MDGA2: variants seen among roughly 807,000 people sequenced by gnomAD.
MDGA2 encodes the protein MAM domain-containing glycosylphosphatidylinositol anchor protein 2.
Under a neutral mutation model 117.8 loss-of-function variants are expected in MDGA2, and 40 were observed. The ratio of observed to expected loss-of-function variants is 0.34; its 90% confidence interval spans 0.26 to 0.44. The LOEUF is 0.44. Ranked by LOEUF, MDGA2 falls within the 20% of genes least tolerant of loss-of-function variation. The pLI is 1.00. For missense variants in MDGA2, 1,123 were observed against 1,250.6 expected (o/e 0.90, Z 1.54); for synonymous variants, 452 against 439.0 (o/e 1.03, Z -0.37).
At chr14:46,854,599 TG>T (rs1378241761) in intron 15 of MDGA2, among the ~76,000 whole-genome samples, 10 of 151,814 alleles carry the variant, frequency 6.6e-5, no homozygotes, top group Non-Finnish European at 1.2e-4. Context: ...ATTACTGATA[TG>T]GCATTAAATC....
chr14:47,670,194 T>G (rs1238132419), intron 1 of MDGA2, among the ~76,000 whole-genome samples: 1 of 152,192 alleles, frequency 6.6e-6, no homozygotes. Context: ...CTCTATTTAT[T>G]ACTTCTAATG....
At chr14:46,934,242 T>C (rs1884697339) in intron 9 of MDGA2, among the ~76,000 whole-genome samples, 1 of 152,090 alleles carries the variant, frequency 6.6e-6, no homozygotes, top group African/African-American at 2.4e-5. Flanking sequence ...TAGCAAGTAT[T>C]TAAGACACAT....
chr14:46,972,906 A>T (rs2138340133), intron 8 of MDGA2, among the ~76,000 whole-genome samples: 1 of 152,260 alleles, frequency 6.6e-6, no homozygotes, highest in African/African-American at 2.4e-5. Context: ...AACATACAAA[A>T]ACTCTAAAAA....
chr14:47,368,122 A>G (rs917667822), intron 1 of MDGA2, among the ~76,000 whole-genome samples: 47 of 151,930 alleles, frequency 3.1e-4, no homozygotes, highest in African/African-American at 1.1e-3. Context: ...TGTACTAAAA[A>G]TACAAAAAAA....
chr14:47,578,643 G>A (rs1056143969), intron 1 of MDGA2, among the ~76,000 whole-genome samples: 2 of 152,076 alleles, frequency 1.3e-5, no homozygotes, highest in Non-Finnish European at 2.9e-5. Context: ...AAACAGCAGA[G>A]TTAATATTTT....
At chr14:47,513,870 T>C (rs1003220849) in intron 1 of MDGA2, among the ~76,000 whole-genome samples, 1 of 152,186 alleles carries the variant, frequency 6.6e-6, no homozygotes, top group Non-Finnish European at 1.5e-5. Context: ...ATTTATTATG[T>C]ACCTTCCCTC....
At chr14:46,926,117 T>A (rs1381982411) in intron 9 of MDGA2, among the ~76,000 whole-genome samples, 1 of 152,148 alleles carries the variant, frequency 6.6e-6, no homozygotes. Context: ...TGATATAAGA[T>A]GTTGAATATT....
At chr14:46,934,910 C>G (rs1884721521) in intron 9 of MDGA2, among the ~76,000 whole-genome samples, 1 of 151,980 alleles carries the variant, frequency 6.6e-6, no homozygotes. Context: ...CTGCATTTGG[C>G]TTTTGTCACA....
intron 1 of MDGA2, among the ~76,000 whole-genome samples, chr14:47,420,442 A>G (rs1246438059): frequency 6.6e-6 from 1 of 152,178 alleles, no homozygotes; most frequent in Admixed American, 6.6e-5. Context: ...CCAATTTAAT[A>G]TAAAAGGTCT....
In MDGA2 at chr14:47,593,847, G is replaced by A. The variant is rs190562766; in HGVS notation, c.280+80670C>T. Among the ~76,000 whole-genome samples the A allele has an allele frequency of 7.6e-4, 115 of 152,064 alleles. 1 individual carries two copies. The highest frequency in any genetic ancestry group is 2.7e-3 in the African/African-American group (112 of 41,508). On this transcript the variant is annotated intron_variant, in intron 1 of 16. Coordinates refer to ENST00000399232, the MANE Select transcript of MDGA2 (RefSeq NM_001113498.3). The stretch of plus-strand genomic sequence containing the variant: ...ACACGTTTACCTATCTAACAAACCT[G>A]CACGTCCTGCACATGTATCCCGTAA...
chr14:47,222,755 T>C (rs1158023979), intron 2 of MDGA2, among the ~76,000 whole-genome samples: 1 of 152,206 alleles, frequency 6.6e-6, no homozygotes, highest in Non-Finnish European at 1.5e-5. Flanking sequence ...TGAAACTTAG[T>C]TCAATACAGC....
At chr14:47,014,559 C>A (rs527706126) in intron 8 of MDGA2, among the ~76,000 whole-genome samples, 1 of 152,176 alleles carries the variant, frequency 6.6e-6, no homozygotes, top group Non-Finnish European at 1.5e-5. Context: ...CATCAGGACT[C>A]GCTGCTTCAC....
chr14:46,912,778 T>C (rs947586835), intron 10 of MDGA2, among the ~76,000 whole-genome samples: 1 of 152,206 alleles, frequency 6.6e-6, no homozygotes, highest in Admixed American at 6.5e-5. Context: ...CAGAACCTTC[T>C]ACATCAGTCA....
At chr14:47,310,677 A>G (rs780727821) in intron 1 of MDGA2, among the ~76,000 whole-genome samples, 3 of 152,070 alleles carry the variant, frequency 2.0e-5, no homozygotes, top group Admixed American at 1.3e-4. Context: ...GTTAAATTAG[A>G]TATTTACCAA....
At chr14:47,174,979 C>T (rs1358740902) in intron 3 of MDGA2, among the ~76,000 whole-genome samples, 1 of 152,014 alleles carries the variant, frequency 6.6e-6, no homozygotes, top group African/African-American at 2.4e-5. Context: ...CACCACCAAT[C>T]CCACAGAAAT....
chr14:47,498,644 A>C (rs1894332520), intron 1 of MDGA2, among the ~76,000 whole-genome samples: 1 of 152,202 alleles, frequency 6.6e-6, no homozygotes. Flanking sequence ...TCAGGAAAAA[A>C]ATAATGGCAT....
At chr14:47,671,384 C>T (rs1898071452) in intron 1 of MDGA2, among the ~76,000 whole-genome samples, 1 of 152,144 alleles carries the variant, frequency 6.6e-6, no homozygotes, top group South Asian at 2.1e-4. Flanking sequence ...TCTCAATTCA[C>T]TAAAAAACAG....
intron 5 of MDGA2, among the ~76,000 whole-genome samples, chr14:47,106,414 C>T (rs534630378): frequency 9.0e-4 from 137 of 152,096 alleles, no homozygotes; most frequent in African/African-American, 3.2e-3. Context: ...ACCGCAGCAG[C>T]CAGGCGTTCC....
chr14:47,519,228 CAAAT>C (rs992330310), intron 1 of MDGA2, among the ~76,000 whole-genome samples: 7 of 152,052 alleles, frequency 4.6e-5, no homozygotes, highest in African/African-American at 7.2e-5. Flanking sequence ...AACAAACAAA[CAAAT>C]AAAAAACACT....
Sources: gnomAD v4.1 joint callset for allele counts (sites outside exome capture counted in the v4.1 genomes callset) on GRCh38, gnomAD v4.1.1 for gene constraint, MANE v1.5 for transcripts, NCBI Gene and HGNC (gene_info 2026-07-23, HGNC 2026-07-21) for gene names.